POF1B: variants seen among roughly 807,000 people sequenced by gnomAD.
POF1B encodes POF1B actin binding protein.
Under a neutral mutation model 55.3 loss-of-function variants are expected in POF1B, and 53 were observed. The observed-to-expected ratio is 0.96, with a 90% CI of 0.77 to 1.20. The LOEUF (loss-of-function observed/expected upper bound fraction) is 1.20, where lower values mean the gene tolerates loss of function less well. Among genes scored for constraint, POF1B ranks in the 50% most tolerant of loss-of-function variants. POF1B has a pLI of 0.00. For missense variants in POF1B, 478 were observed against 420.5 expected (o/e 1.14, Z -1.20); for synonymous variants, 188 against 148.3 (o/e 1.27, Z -1.95).
chrX:85,335,199 A>T (rs1269548236), intron 6 of POF1B, among the ~76,000 whole-genome samples: 1 of 111,273 alleles, frequency 9.0e-6, no homozygotes, highest in African/African-American at 3.3e-5. Flanking sequence ...AAGTAACTAA[A>T]CTCCTAAAAG....
At chrX:85,287,140 C>T (rs745532340) in intron 15 of POF1B, among the ~76,000 whole-genome samples, 3 of 110,346 alleles carry the variant, frequency 2.7e-5, no homozygotes, top group South Asian at 3.7e-4. Flanking sequence ...TTTTATATTA[C>T]GAAAGAAGAA....
chrX:85,368,053 C>T (rs754594153), intron 2 of POF1B, among the ~76,000 whole-genome samples: 25 of 111,769 alleles, frequency 2.2e-4, no homozygotes, highest in East Asian at 1.7e-3. Flanking sequence ...TTCATATACA[C>T]CCCAATGTTA....
intron 2 of POF1B, among the ~76,000 whole-genome samples, chrX:85,372,439 C>T (rs1367991811): frequency 9.2e-6 from 1 of 108,419 alleles, no homozygotes; most frequent in Non-Finnish European, 1.9e-5. Flanking sequence ...TTGTCCATAC[C>T]TTTGTACACA....
At position 85,330,987 on chromosome X, in the gene POF1B, A is replaced by G; in HGVS notation, c.816T>C (p.Tyr272=). ...TCTGCAAATGTTCTAATAAGCAGTG[A>G]TATAGATCCGTATTCTTACGGCTCA... ...ADLSRKNTDL[Y]HCLLEHLQRI... is the part of the protein sequence containing the mutation. The change falls in exon 7 of 17, where the codon TAT becomes TAC. Residue 272 remains tyrosine (Y), a synonymous_variant. Transcript: ENST00000262753. The G allele has an allele frequency of 1.7e-6, 2 of 1,204,076 alleles. No individual in the cohort carries two copies. The highest frequency in any genetic ancestry group is 2.2e-6 in the Non-Finnish European group (2 of 891,444).
chrX:85,327,538 T>C (rs1342482798), intron 7 of POF1B, among the ~76,000 whole-genome samples: 1 of 111,973 alleles, frequency 8.9e-6, no homozygotes, highest in Admixed American at 9.5e-5. Context: ...TGCAATTGTC[T>C]GCATGTATCT....
Position 85,351,439 on chromosome X carries a change from G to T in POF1B, c.451C>A (p.Gln151Lys), listed in dbSNP as rs1372760800. Reference sequence around the variant, plus strand: ...AAGAAATGGCTTCCTCTTAGGAATTGAGACAGTGGTTCCTAAAATGATAGT... The same window carrying T: ...AAGAAATGGCTTCCTCTTAGGAATTTAGACAGTGGTTCCTAAAATGATAGT... ...VQNPEQEPLS[Q>K]FLRGSHFFPG... Residue 151 changes from glutamine to lysine, a missense_variant, in exon 5 of 17, where the codon CAA (glutamine) becomes AAA (lysine). Transcript: ENST00000262753. 1 of 1,172,803 alleles carries T rather than the reference G, an allele frequency of 8.5e-7. No individual in the cohort carries two copies. Among genetic ancestry groups the T allele is most frequent in the East Asian group, 3.0e-5 (1 of 33,283 alleles).
chrX:85,322,989 T>C (rs887524196), intron 7 of POF1B, among the ~76,000 whole-genome samples: 6 of 110,031 alleles, frequency 5.5e-5, no homozygotes, highest in Non-Finnish European at 9.5e-5. Flanking sequence ...ACTTTTACAC[T>C]GTTGGTGGGA....
intron 4 of POF1B, among the ~76,000 whole-genome samples, chrX:85,356,561 A>C (rs1025202197): frequency 1.8e-5 from 2 of 111,085 alleles, no homozygotes; most frequent in African/African-American, 3.3e-5. Context: ...GAAAAAAAAA[A>C]CCTCCAAATT....
intron 5 of POF1B, among the ~76,000 whole-genome samples, chrX:85,346,709 A>G (rs1293033154): frequency 9.0e-6 from 1 of 110,586 alleles, no homozygotes. Flanking sequence ...TAGGGGTGCT[A>G]TGAGGAGTAA....
At chrX:85,284,214 A>G (rs1173363466) in intron 15 of POF1B, among the ~76,000 whole-genome samples, 1 of 111,758 alleles carries the variant, frequency 8.9e-6, no homozygotes, top group Non-Finnish European at 1.9e-5. Flanking sequence ...CAATATCGTG[A>G]AAATGGCCAT....
At chrX:85,358,363 T>G (rs973622197) in intron 4 of POF1B, among the ~76,000 whole-genome samples, 1 of 111,342 alleles carries the variant, frequency 9.0e-6, no homozygotes, top group Non-Finnish European at 1.9e-5. Flanking sequence ...TCTTATCTCT[T>G]TCCTTGAGAA....
chrX:85,351,491 G>C (rs773974461), intron 4 of POF1B, 40 bp from the exon 5 acceptor site: 95 of 1,042,306 alleles, frequency 9.1e-5, no homozygotes, highest in Non-Finnish European at 1.2e-4. Context: ...TTTGAAAGTT[G>C]TCTTTTCAGA....
chrX:85,367,345 G>A (rs981756798), intron 3 of POF1B, among the ~76,000 whole-genome samples: 3 of 111,185 alleles, frequency 2.7e-5, no homozygotes, highest in African/African-American at 9.8e-5. Context: ...TATTCTCTCT[G>A]AATATGAACT....
chrX:85,309,609 A>G lies in POF1B; in HGVS notation c.958-1393T>C, dbSNP rs769587038. Among the ~76,000 whole-genome samples, 14 of 111,210 alleles carry G rather than the reference A, an allele frequency of 1.3e-4. No homozygotes were observed. The South Asian group carries it at 2.3e-3, about 18-fold the overall frequency. On this transcript the variant is annotated intron_variant, in intron 9 of 16. Coordinates refer to ENST00000262753, the MANE Select transcript of POF1B (RefSeq NM_024921.4). ...GATCTAGTTACATCAATGGACAACA[A>G]AAGTCCTGAGAAAAGCCTTCTCTCT...
At chrX:85,360,527 G>GTGTATATATATATA (rs1555988251) in intron 3 of POF1B, among the ~76,000 whole-genome samples, 25 of 58,522 alleles carry the variant, frequency 4.3e-4, no homozygotes, top group East Asian at 3.5e-3. Flanking sequence ...TCCATGGTAT[G>GTGTATATATATATA]TATATATATA....
intron 5 of POF1B, among the ~76,000 whole-genome samples, chrX:85,349,805 C>T (rs184449441): frequency 4.5e-5 from 5 of 111,005 alleles, no homozygotes; most frequent in Non-Finnish European, 9.5e-5. Context: ...CAATAAATTT[C>T]TGTTGTTTTA....
chrX:85,346,183 TA>T (rs1933267474), intron 5 of POF1B, 141 bp from the exon 6 acceptor site: 2 of 472,739 alleles, frequency 4.2e-6, no homozygotes, highest in African/African-American at 2.5e-5. Flanking sequence ...TAACTAGTGA[TA>T]TTTTTTCAAT....
chrX:85,360,527 G>GTGTATATATATATATATATA (rs1555988251), intron 3 of POF1B, among the ~76,000 whole-genome samples: 11 of 58,520 alleles, frequency 1.9e-4, no homozygotes, highest in Admixed American at 7.6e-4. Flanking sequence ...TCCATGGTAT[G>GTGTATATATATATATATATA]TATATATATA....
chrX:85,333,504 A>C (rs1015704386), intron 6 of POF1B, among the ~76,000 whole-genome samples: 7 of 111,412 alleles, frequency 6.3e-5, no homozygotes, highest in African/African-American at 1.9e-4. Context: ...ATTGAAAGAA[A>C]TCATCTACCT....
Sources: allele counts gnomAD v4.1 joint callset (sites outside exome capture counted in the v4.1 genomes callset), GRCh38; gene constraint gnomAD v4.1.1; transcripts MANE v1.5; gene names NCBI Gene and HGNC (gene_info 2026-07-23, HGNC 2026-07-21).